SNX25: variants seen among roughly 807,000 people sequenced by gnomAD.
SNX25 encodes sorting nexin 25.
Under a neutral mutation model 113.7 loss-of-function variants are expected in SNX25, and 62 were observed. That is an observed-to-expected ratio of 0.55 (90% CI 0.44 to 0.67). The LOEUF (loss-of-function observed/expected upper bound fraction) is 0.67, where lower values mean the gene tolerates loss of function less well. SNX25 is among the 30% of genes least tolerant of loss of function. SNX25 has a pLI of 0.00. For missense variants in SNX25, 1,014 were observed against 1,161.0 expected (o/e 0.87, Z 1.84); for synonymous variants, 421 against 436.2 (o/e 0.97, Z 0.43).
At chr4:185,309,366 G>A (rs1404512507) in intron 6 of SNX25, among the ~76,000 whole-genome samples, 5 of 152,294 alleles carry the variant, frequency 3.3e-5, no homozygotes, top group Admixed American at 3.3e-4. Flanking sequence ...TCAAGAAAAG[G>A]AAACATATTC....
intron 5 of SNX25, among the ~76,000 whole-genome samples, chr4:185,276,590 C>T (rs1314926827): frequency 6.6e-6 from 1 of 152,204 alleles, no homozygotes; most frequent in Non-Finnish European, 1.5e-5. Flanking sequence ...TCATGGCACA[C>T]TTGGGAGGCT....
chr4:185,305,184 G>C (rs1754287280), intron 6 of SNX25, among the ~76,000 whole-genome samples: 2 of 152,164 alleles, frequency 1.3e-5, no homozygotes, highest in African/African-American at 4.8e-5. Context: ...CTGGCATCTA[G>C]TGGTAGAGGC....
At chr4:185,349,205 A>C (rs940770225) in intron 13 of SNX25, among the ~76,000 whole-genome samples, 10 of 152,102 alleles carry the variant, frequency 6.6e-5, no homozygotes, top group Non-Finnish European at 1.3e-4. Context: ...AAATTCTCAT[A>C]ATGTTTTAAG....
rs1256573065 is a variant in SNX25 at position 185,241,453 on chromosome 4, C to G, written c.430-5841C>G. Among the ~76,000 whole-genome samples, 4 of 95,912 alleles carry G rather than the reference C, an allele frequency of 4.2e-5. 1 individual carries two copies. The highest frequency in any genetic ancestry group is 7.6e-5 in the Non-Finnish European group (3 of 39,596). The allele number at this position is 95,912 out of a possible 152,430, so 62.9% of individuals were successfully genotyped here. Reference sequence around the variant, plus strand: ...GTACAGTCCAGCTTTGGCTCGGCATCGGGGAGACCGTGGAAAGAGAGGGAG... The same window carrying G: ...GTACAGTCCAGCTTTGGCTCGGCATGGGGGAGACCGTGGAAAGAGAGGGAG... On this transcript the variant is annotated intron_variant, in intron 1 of 18. Coordinates refer to ENST00000652585, the MANE Select transcript of SNX25 (RefSeq NM_001378034.2).
intron 5 of SNX25, among the ~76,000 whole-genome samples, chr4:185,269,448 C>T (rs1020314879): frequency 2.0e-5 from 3 of 152,130 alleles, no homozygotes; most frequent in South Asian, 2.1e-4. Context: ...GAACAGATAA[C>T]TCATGTTGAT....
intron 5 of SNX25, among the ~76,000 whole-genome samples, chr4:185,276,783 C>A (rs938248772): frequency 6.6e-6 from 1 of 152,220 alleles, no homozygotes; most frequent in South Asian, 2.1e-4. Context: ...CGCCCTGTCT[C>A]CCTGGCAGGT....
chr4:185,292,774 T>G (rs1192299211), intron 6 of SNX25, among the ~76,000 whole-genome samples: 1 of 152,064 alleles, frequency 6.6e-6, no homozygotes, highest in East Asian at 1.9e-4. Flanking sequence ...TTTTTAAAAA[T>G]TATCCAGGTG....
At chr4:185,235,462 G>A (rs1742478619) in intron 1 of SNX25, among the ~76,000 whole-genome samples, 2 of 152,166 alleles carry the variant, frequency 1.3e-5, no homozygotes, top group Non-Finnish European at 2.9e-5. Flanking sequence ...GTTTAGGGTT[G>A]GCCAAAGAGG....
chr4:185,215,222 C>G (rs1187732691), intron 1 of SNX25, among the ~76,000 whole-genome samples: 1 of 151,824 alleles, frequency 6.6e-6, no homozygotes, highest in Non-Finnish European at 1.5e-5. Flanking sequence ...GAGCGAGACT[C>G]CGTCTCAAAA....
intron 13 of SNX25, among the ~76,000 whole-genome samples, chr4:185,346,976 T>C (rs1256216823): frequency 6.6e-6 from 1 of 152,188 alleles, no homozygotes; most frequent in Non-Finnish European, 1.5e-5. Context: ...TCCAGCACCA[T>C]AGATCAGTTA....
At chr4:185,357,880 T>C (rs758684230) in intron 16 of SNX25, 143 bp downstream of exon 16, 2 of 706,868 alleles carry the variant, frequency 2.8e-6, no homozygotes, top group Non-Finnish European at 4.8e-6. Flanking sequence ...GATTCTAAGA[T>C]TGGATAGGAG....
At chr4:185,228,053 T>C (rs558381904) in intron 1 of SNX25, among the ~76,000 whole-genome samples, 12 of 151,888 alleles carry the variant, frequency 7.9e-5, no homozygotes, top group Non-Finnish European at 1.8e-4. Flanking sequence ...GGACCGAGGG[T>C]GTGCCCCGGA....
At chr4:185,245,627 C>G (rs1245044335) in intron 1 of SNX25, among the ~76,000 whole-genome samples, 1 of 152,162 alleles carries the variant, frequency 6.6e-6, no homozygotes. Context: ...GCGTAAGCCA[C>G]TGCACCCAGC....
intron 8 of SNX25, among the ~76,000 whole-genome samples, chr4:185,321,414 T>C (rs932966431): frequency 6.6e-6 from 1 of 151,760 alleles, no homozygotes; most frequent in Non-Finnish European, 1.5e-5. Context: ...AGGTGTGTGC[T>C]ACCACACCCA....
At chr4:185,356,172 T>G (rs2095338143) in intron 15 of SNX25, among the ~76,000 whole-genome samples, 2 of 150,866 alleles carry the variant, frequency 1.3e-5, no homozygotes, top group African/African-American at 2.4e-5. Flanking sequence ...TATCGGGGGG[T>G]TACTGGGGAC....
At chr4:185,375,120 TTTTG>T (rs963328241), downstream of SNX25, among the ~76,000 whole-genome samples, 8 of 151,856 alleles carry the variant, frequency 5.3e-5, no homozygotes, top group East Asian at 1.2e-3. Flanking sequence ...ATATTTTGGT[TTTTG>T]TTTGTTTGAG....
chr4:185,273,512 C>T (rs1749240700), intron 5 of SNX25, among the ~76,000 whole-genome samples: 1 of 152,198 alleles, frequency 6.6e-6, no homozygotes, highest in Admixed American at 6.5e-5. Flanking sequence ...AATTACCTTA[C>T]ATAGTTACCA....
intron 2 of SNX25, among the ~76,000 whole-genome samples, chr4:185,258,282 G>A (rs540908892): frequency 2.0e-5 from 3 of 152,280 alleles, no homozygotes; most frequent in Non-Finnish European, 4.4e-5. Context: ...ACTTGCTGTT[G>A]GGGTGAACAC....
intron 3 of SNX25, among the ~76,000 whole-genome samples, chr4:185,263,471 C>T (rs1747606446): frequency 6.6e-6 from 1 of 152,146 alleles, no homozygotes; most frequent in African/African-American, 2.4e-5. Context: ...ATGTTGCTGG[C>T]TTTACACATT....
Sources: allele counts gnomAD v4.1 joint callset (sites outside exome capture counted in the v4.1 genomes callset), GRCh38; gene constraint gnomAD v4.1.1; transcripts MANE v1.5; gene names NCBI Gene and HGNC (gene_info 2026-07-23, HGNC 2026-07-21).